The following AKR1C8 variants were observed in gnomAD, a reference collection of about 807,000 sequenced individuals.
The protein encoded by AKR1C8 is aldo-keto reductase family 1 member C-like protein 1.
chr10:5,129,915 C>T, the AKR1C8 span, among the ~76,000 whole-genome samples: 2 of 151,858 alleles, frequency 1.3e-5, no homozygotes, highest in Non-Finnish European at 2.9e-5. Context: ...CTAAATTATT[C>T]TGTGAAGCCA....
At chr10:5,159,216 A>T in the AKR1C8 span, among the ~76,000 whole-genome samples, 2 of 152,228 alleles carry the variant, frequency 1.3e-5, no homozygotes, top group Non-Finnish European at 2.9e-5. Context: ...GTATTGGCTA[A>T]AATTCATAAA....
the AKR1C8 span, among the ~76,000 whole-genome samples, chr10:5,165,449 T>C: frequency 6.6e-6 from 1 of 152,070 alleles, no homozygotes; most frequent in Non-Finnish European, 1.5e-5. Flanking sequence ...AACCTCTAGT[T>C]TCCCAATTCC....
chr10:5,144,668 C>G, the AKR1C8 span, among the ~76,000 whole-genome samples: 2 of 151,988 alleles, frequency 1.3e-5, no homozygotes, highest in African/African-American at 2.4e-5. Flanking sequence ...TGATTTGGCT[C>G]TCTGTCTGTT....
chr10:5,166,389 A>G, the AKR1C8 span, among the ~76,000 whole-genome samples: 2 of 152,186 alleles, frequency 1.3e-5, no homozygotes, highest in African/African-American at 2.4e-5. Context: ...TTCAAACTAT[A>G]CTACAAGGCT....
the AKR1C8 span, among the ~76,000 whole-genome samples, chr10:5,182,934 A>G: frequency 6.6e-6 from 1 of 152,004 alleles, no homozygotes; most frequent in Admixed American, 6.6e-5. Context: ...TATTCTTACT[A>G]TTCTTTATAC....
chr10:5,182,958 A>T, the AKR1C8 span, among the ~76,000 whole-genome samples: 1 of 152,116 alleles, frequency 6.6e-6, no homozygotes, highest in Admixed American at 6.5e-5. Flanking sequence ...TAATCAGACC[A>T]AATATGAAAC....
At chr10:5,125,791 C>T in the AKR1C8 span, among the ~76,000 whole-genome samples, 11 of 152,176 alleles carry the variant, frequency 7.2e-5, no homozygotes, top group Middle Eastern at 3.2e-3. Context: ...GGTGCTGGTA[C>T]CCACTGCTGG....
At chr10:5,142,243 A>T in the AKR1C8 span, among the ~76,000 whole-genome samples, 1 of 152,092 alleles carries the variant, frequency 6.6e-6, no homozygotes, top group Non-Finnish European at 1.5e-5. Context: ...CTTCTTCTGG[A>T]TTAGGCTTTG....
chr10:5,149,113 AG>A, the AKR1C8 span, among the ~76,000 whole-genome samples: 8 of 152,172 alleles, frequency 5.3e-5, no homozygotes, highest in African/African-American at 1.9e-4. Context: ...GGAAAGTAGT[AG>A]AAAAAAATGA....
chr10:5,165,571 C>A, the AKR1C8 span, among the ~76,000 whole-genome samples: 2 of 152,166 alleles, frequency 1.3e-5, no homozygotes, highest in Non-Finnish European at 2.9e-5. Context: ...CAAATTCTAG[C>A]CTCAGTGATG....
At chr10:5,149,730 G>A in the AKR1C8 span, among the ~76,000 whole-genome samples, 1 of 151,744 alleles carries the variant, frequency 6.6e-6, no homozygotes, top group South Asian at 2.1e-4. Context: ...TGTCATTCCA[G>A]TTAAAGCTTT....
the AKR1C8 span, chr10:5,123,630 A>C: frequency 7.7e-7 from 1 of 1,301,016 alleles, no homozygotes; most frequent in Admixed American, 2.2e-5. Context: ...CTGAGAGTAA[A>C]CTCCAGGAAA....
At chr10:5,180,387 G>A in the AKR1C8 span, among the ~76,000 whole-genome samples, 2 of 152,346 alleles carry the variant, frequency 1.3e-5, no homozygotes, top group East Asian at 1.9e-4. Context: ...TGCCCCTACT[G>A]GGGGCTGCCT....
the AKR1C8 span, among the ~76,000 whole-genome samples, chr10:5,179,675 T>TTCTC: frequency 6.4e-4 from 97 of 150,524 alleles, no homozygotes; most frequent in Admixed American, 1.9e-3. Flanking sequence ...GCTTTGTTCT[T>TTCTC]TTTATTCTTT....
chr10:5,140,504 G>A, the AKR1C8 span, among the ~76,000 whole-genome samples: 2,253 of 152,186 alleles, frequency 0.015, 23 homozygotes, highest in Non-Finnish European at 0.024. Flanking sequence ...GTAGGGACAT[G>A]GATGAAGCTG....
the AKR1C8 span, among the ~76,000 whole-genome samples, chr10:5,178,498 G>A: frequency 3.4e-4 from 52 of 152,204 alleles, no homozygotes; most frequent in Middle Eastern, 3.4e-3. Context: ...TATTAGGTCC[G>A]CTTGGTGCAG....
chr10:5,140,418 C>T, the AKR1C8 span, among the ~76,000 whole-genome samples: 2 of 152,048 alleles, frequency 1.3e-5, no homozygotes, highest in Non-Finnish European at 2.9e-5. Flanking sequence ...CAATGATAGA[C>T]TGGATTAAGA....
chr10:5,140,396 C>T, the AKR1C8 span, among the ~76,000 whole-genome samples: 1,040 of 152,212 alleles, frequency 6.8e-3, 11 homozygotes, highest in African/African-American at 0.024. Context: ...TGGAACCAAC[C>T]CAAATGTCCA....
the AKR1C8 span, among the ~76,000 whole-genome samples, chr10:5,168,192 C>T: frequency 6.6e-6 from 1 of 152,056 alleles, no homozygotes; most frequent in African/African-American, 2.4e-5. Context: ...GTGCAAGCTT[C>T]TTTGCCCTGA....
Sources: gnomAD v4.1 joint callset for allele counts (sites outside exome capture counted in the v4.1 genomes callset) on GRCh38, gnomAD v4.1.1 for gene constraint, MANE v1.5 for transcripts, NCBI Gene and HGNC (gene_info 2026-07-23, HGNC 2026-07-21) for gene names.